ARMH1: variants seen among roughly 807,000 people sequenced by gnomAD.
ARMH1 encodes the protein armadillo like helical domain containing 1.
ARMH1 carries 34 observed loss-of-function variants against 50.2 expected under a neutral mutation model. The observed-to-expected ratio is 0.68, with a 90% CI of 0.51 to 0.90. The LOEUF (loss-of-function observed/expected upper bound fraction) is 0.90, where lower values mean the gene tolerates loss of function less well. Ranked by LOEUF, ARMH1 falls within the 40% of genes least tolerant of loss-of-function variation. ARMH1 has a pLI of 0.00. For missense variants in ARMH1, 538 were observed against 553.9 expected (o/e 0.97, Z 0.29); for synonymous variants, 221 against 224.2 (o/e 0.99, Z 0.13).
At chr1:44,703,706 T>C (rs1480598896) in intron 5 of ARMH1, among the ~76,000 whole-genome samples, 2 of 123,490 alleles carry the variant, frequency 1.6e-5, no homozygotes, top group African/African-American at 3.0e-5. Flanking sequence ...CCAGCCTGGG[T>C]GACAGAGTGG....
chr1:44,714,857 C>T (rs1275306365), intron 6 of ARMH1, among the ~76,000 whole-genome samples: 1 of 151,864 alleles, frequency 6.6e-6, no homozygotes, highest in Non-Finnish European at 1.5e-5. Flanking sequence ...ACGATGTTGC[C>T]CAACCTGATT....
At chr1:44,705,458 A>C (rs554469670) in intron 6 of ARMH1, among the ~76,000 whole-genome samples, 1 of 151,966 alleles carries the variant, frequency 6.6e-6, no homozygotes, top group Admixed American at 6.6e-5. Flanking sequence ...TCGCCACTGC[A>C]CTCCAGCCTG....
At chr1:44,704,255 G>A in intron 6 of ARMH1, 82 bp downstream of exon 6, 1 of 1,056,112 alleles carries the variant, frequency 9.5e-7, no homozygotes, top group South Asian at 1.4e-5. Flanking sequence ...GTCACAAAGA[G>A]CCTTGATGTT....
rs1646059696 is a variant in ARMH1, at chr1:44,701,057, T to C, written c.577T>C (p.Leu193=). The part of the protein sequence containing the change: ...QNQVYKGLIA[L]LPCESPKAQQ... ...TCAAGTGTATAAAGGTCTAATAGCT[T>C]TGCTGCCCTGCGAGTCCCCAAAAGC... Residue 193 remains leucine (L), a synonymous_variant, in exon 5 of 12, where the codon TTG becomes CTG. Coordinates refer to ENST00000535358, the MANE Select transcript of ARMH1 (RefSeq NM_001145636.2). 3 of 1,551,768 alleles carry C rather than the reference T, an allele frequency of 1.9e-6. No homozygotes were observed. The African/African-American group carries it at 4.1e-5, about 21-fold the overall frequency.
chr1:44,690,052 T>C, intron 2 of ARMH1, 149 bp downstream of exon 2: 1 of 683,298 alleles, frequency 1.5e-6, no homozygotes, highest in Admixed American at 3.0e-5. Context: ...ACCCTGTCTC[T>C]ACTAAAAATA....
intron 4 of ARMH1, among the ~76,000 whole-genome samples, chr1:44,700,350 G>A (rs769832326): frequency 6.6e-6 from 1 of 152,274 alleles, no homozygotes; most frequent in South Asian, 2.1e-4. Context: ...GGGCGCCGTG[G>A]CTCACGCCTC....
At chr1:44,716,173 G>A (rs1437319709) in intron 6 of ARMH1, among the ~76,000 whole-genome samples, 1 of 151,244 alleles carries the variant, frequency 6.6e-6, no homozygotes, top group African/African-American at 2.4e-5. Context: ...TCAACTCCAG[G>A]TCTTCTTCTC....
intron 6 of ARMH1, among the ~76,000 whole-genome samples, chr1:44,707,745 G>A (rs1217906519): frequency 1.3e-5 from 2 of 152,204 alleles, no homozygotes; most frequent in Non-Finnish European, 2.9e-5. Context: ...TTATGCTGAT[G>A]AAGTCCTCCA....
intron 6 of ARMH1, among the ~76,000 whole-genome samples, chr1:44,710,178 G>A (rs528028678): frequency 1.4e-3 from 210 of 152,246 alleles, no homozygotes; most frequent in Admixed American, 2.2e-3. Context: ...CTTTGAATGC[G>A]TGACACCTCC....
At chr1:44,698,250 G>A (rs944156043) in intron 4 of ARMH1, 21 bp downstream of exon 4, 3 of 1,542,228 alleles carry the variant, frequency 1.9e-6, no homozygotes, top group Admixed American at 2.0e-5. Flanking sequence ...TGTGTGACAA[G>A]ATGTGTCTCC....
At chr1:44,678,929 G>A (rs1645221704) in intron 1 of ARMH1, among the ~76,000 whole-genome samples, 1 of 152,172 alleles carries the variant, frequency 6.6e-6, no homozygotes, top group Non-Finnish European at 1.5e-5. Context: ...TTGAGATTGT[G>A]TGATTTTAGT....
At chr1:44,721,334 C>T (rs1198167015) in intron 6 of ARMH1, among the ~76,000 whole-genome samples, 1 of 152,128 alleles carries the variant, frequency 6.6e-6, no homozygotes, top group Admixed American at 6.6e-5. Flanking sequence ...AAGAAAGTAT[C>T]ATCATCCTAA....
chr1:44,708,312 G>A (rs1469249932), intron 6 of ARMH1, among the ~76,000 whole-genome samples: 1 of 152,230 alleles, frequency 6.6e-6, no homozygotes, highest in East Asian at 1.9e-4. Flanking sequence ...TCAGCATGGA[G>A]AAGCAGCCTG....
chr1:44,692,368 G>A (rs12135086), intron 2 of ARMH1, among the ~76,000 whole-genome samples: 3 of 152,116 alleles, frequency 2.0e-5, no homozygotes, highest in Non-Finnish European at 4.4e-5. Flanking sequence ...GGCTAGCTTA[G>A]GTTCCCTTCT....
rs1400733647 is a variant in ARMH1, at chr1:44,724,271, C to G, written c.847+27C>G. 6.4e-7 allele frequency: 1 copy of G among 1,551,250 alleles called. No individual in the cohort carries two copies. Among genetic ancestry groups the G allele is most frequent in the Non-Finnish European group, 8.7e-7 (1 of 1,146,628 alleles). ...TAAGGACCTGCTCAAATGGGGCTGC[C>G]TGGGCCACGGGAGGGCGGTCTCTTG... On this transcript the variant is annotated intron_variant, in intron 7 of 11. Transcript: ENST00000535358. The surrounding 1 kb of genome is among the most constrained non-coding windows in gnomAD (Gnocchi z 6.4).
rs1376885743 is a variant in ARMH1, at chr1:44,697,106, A to G, written c.211A>G (p.Met71Val). 1 of 1,551,528 alleles carries G rather than the reference A, an allele frequency of 6.4e-7. No homozygotes were observed. The highest frequency in any genetic ancestry group is 2.4e-5 in the East Asian group (1 of 40,918). ...RLTTSLRITYMTDSCLEKLLR... is the reference protein window; with the variant it reads ...RLTTSLRITYVTDSCLEKLLR... Reference sequence around the variant, plus strand: ...ACTCTTTAACGTGTCATACAGCTATATGACTGACTCATGTTTAGAAAAGCT... The same window carrying G: ...ACTCTTTAACGTGTCATACAGCTATGTGACTGACTCATGTTTAGAAAAGCT... Residue 71 changes from methionine to valine, a missense_variant, in exon 3 of 12, where the codon ATG (methionine) becomes GTG (valine). Physicochemically the swap from Met to Val is conservative, Grantham distance 21 (BLOSUM62 1). Transcript: ENST00000535358.
rs1645307693 is a variant in ARMH1, at chr1:44,681,318, T to G, written c.-23+6445T>G. ...CCGTGAGGCTCCATTTCTAAAAAAT[T>G]TTTTTAAGTTAGCCAGGCATGGTGG... is the stretch of plus-strand genomic sequence containing the variant. On this transcript the variant is annotated intron_variant, in intron 1 of 11. Transcript: ENST00000535358. The surrounding 1 kb of genome is among the most constrained non-coding windows in gnomAD (Gnocchi z 4.3). Among the ~76,000 whole-genome samples the G allele has an allele frequency of 6.6e-6, 1 of 152,004 alleles. No individual in the cohort carries two copies. The highest frequency in any genetic ancestry group is 6.6e-5 in the Admixed American group (1 of 15,250).
At chr1:44,707,318 C>A (rs1646388813) in intron 6 of ARMH1, among the ~76,000 whole-genome samples, 1 of 152,176 alleles carries the variant, frequency 6.6e-6, no homozygotes, top group Non-Finnish European at 1.5e-5. Flanking sequence ...CACCTCTATG[C>A]CTTTCTCCTC....
intron 6 of ARMH1, chr1:44,721,880 G>C (rs114610669): frequency 5.3e-5 from 8 of 152,112 alleles, no homozygotes; most frequent in Admixed American, 2.6e-4. Flanking sequence ...AGATTTATTC[G>C]TTATGAAGAG....
Sources: allele counts gnomAD v4.1 joint callset (sites outside exome capture counted in the v4.1 genomes callset), GRCh38; gene constraint gnomAD v4.1.1; non-coding constraint Gnocchi (gnomAD v3.1); transcripts MANE v1.5; gene names NCBI Gene and HGNC (gene_info 2026-07-23, HGNC 2026-07-21).